TMEM40: variants seen among roughly 807,000 people sequenced by gnomAD.
The protein encoded by TMEM40 is transmembrane protein 40.
In TMEM40, 34 loss-of-function variants were observed where a neutral mutation model predicts 40.8. The ratio of observed to expected loss-of-function variants is 0.83; its 90% CI spans 0.63 to 1.11. TMEM40 has a LOEUF of 1.11. TMEM40 is among the 50% of genes least tolerant of loss of function. TMEM40 has a pLI of 0.00. For synonymous variants in TMEM40, 106 were observed against 107.0 expected (o/e 0.99, Z 0.06); for missense variants, 296 against 280.2 (o/e 1.06, Z -0.40).
At chr3:12,745,094 T>C (rs1002145679) in intron 3 of TMEM40, among the ~76,000 whole-genome samples, 1 of 152,194 alleles carries the variant, frequency 6.6e-6, no homozygotes, top group Admixed American at 6.5e-5. Flanking sequence ...AATTTTGCTC[T>C]TGTTGCCCAG....
chr3:12,764,734 C>G (rs1396905216), intron 1 of TMEM40, among the ~76,000 whole-genome samples: 3 of 152,204 alleles, frequency 2.0e-5, no homozygotes, highest in Admixed American at 6.5e-5. Context: ...ATCTCGTTAC[C>G]TGAGGGCTCT....
chr3:12,738,339 T>C (rs2061353785), intron 6 of TMEM40, among the ~76,000 whole-genome samples, 171 bp from the exon 7 acceptor site: 1 of 152,156 alleles, frequency 6.6e-6, no homozygotes, highest in African/African-American at 2.4e-5. Context: ...TCTCCTGGGG[T>C]CTTGCTGGGA....
intron 1 of TMEM40, among the ~76,000 whole-genome samples, chr3:12,751,402 C>T (rs919316974): frequency 6.6e-6 from 1 of 151,522 alleles, no homozygotes; most frequent in African/African-American, 2.4e-5. Context: ...CTGCCTCAGC[C>T]TCCGGAGTAG....
intron 1 of TMEM40, among the ~76,000 whole-genome samples, chr3:12,758,248 G>A (rs528806136): frequency 4.6e-5 from 7 of 152,144 alleles, no homozygotes; most frequent in African/African-American, 1.7e-4. Context: ...AAGTAACCTG[G>A]TGCTTTAGGG....
intron 7 of TMEM40, 101 bp from the exon 8 acceptor site, chr3:12,737,855 T>C: frequency 1.6e-6 from 2 of 1,266,998 alleles, no homozygotes; most frequent in Admixed American, 1.7e-5. Flanking sequence ...TGGGTATATC[T>C]TCCTGGGTCA....
chr3:12,736,554 G>T, intron 10 of TMEM40, 24 bp downstream of exon 10: 1 of 1,550,424 alleles, frequency 6.4e-7, no homozygotes, highest in Non-Finnish European at 8.7e-7. Flanking sequence ...CTGTGTGTGT[G>T]TCCATGCTGG....
intron 5 of TMEM40, 22 bp downstream of exon 5, chr3:12,742,432 A>T: frequency 6.2e-7 from 1 of 1,611,904 alleles, no homozygotes; most frequent in Non-Finnish European, 8.5e-7. Flanking sequence ...GTTTTCTCCA[A>T]AGCTACTGGG....
chr3:12,749,215 G>A lies in TMEM40; in HGVS notation c.74-423C>T, dbSNP rs930306564. On this transcript the variant is annotated intron_variant, in intron 2 of 11. Transcript: ENST00000314124. The stretch of plus-strand genomic sequence containing the variant: ...AATTTTTTGTATTTTTAGTAGAGAC[G>A]GGGTTTCACCGTGTTAGCCAGGATG... Among the ~76,000 whole-genome samples the A allele has an allele frequency of 9.9e-5, 15 of 151,882 alleles. No individual in the cohort carries two copies. The South Asian group carries it at 2.1e-3, about 21-fold the overall frequency.
rs1489237941 is a variant in TMEM40, at chr3:12,736,942, G to A, written c.473-107C>T. 28 of 1,381,438 alleles carry A rather than the reference G, an allele frequency of 2.0e-5. No individual in the cohort carries two copies. In the East Asian group the frequency reaches 2.3e-4, roughly 11 times the overall value. The allele number at this position is 1,381,438 out of a possible 1,614,324, so 85.6% of individuals were successfully genotyped here. On this transcript the variant is annotated intron_variant, in intron 8 of 11. Coordinates refer to ENST00000314124, the MANE Select transcript of TMEM40 (RefSeq NM_018306.4). The stretch of plus-strand genomic sequence containing the variant: ...CACCCAGGGTGGAGTGCAGTTGTGC[G>A]ATCCCAGCTCATTGCAGCCTTGAAG...
Position 12,748,717 on chromosome 3 carries a change from G to C in TMEM40, c.149C>G (p.Ser50Cys). 1 of 1,614,092 alleles carries C rather than the reference G, an allele frequency of 6.2e-7. No individual in the cohort carries two copies. Among genetic ancestry groups the C allele is most frequent in the Middle Eastern group, 1.7e-4 (1 of 6,058 alleles). Residue 50 changes from serine to cysteine, a missense_variant, in exon 3 of 12, where the codon TCT (serine) becomes TGT (cysteine). Transcript: ENST00000314124. ...FSQEQYERNKSSSSSSSSSSS... is the reference protein window; with the variant it reads ...FSQEQYERNKCSSSSSSSSSS... ...GGAGGAAGAGGAGGAGGAGGAAGAA[G>C]ACTTGTTTCTCTCATATTGTTCTTG... is the stretch of plus-strand genomic sequence containing the variant.
At chr3:12,762,035 A>T (rs1336846352), upstream of TMEM40, among the ~76,000 whole-genome samples, 1 of 152,152 alleles carries the variant, frequency 6.6e-6, no homozygotes, top group Non-Finnish European at 1.5e-5. Flanking sequence ...GTACAATCAT[A>T]GCTCATGGTA....
rs753348848 is a variant in TMEM40 at position 12,749,826 on chromosome 3, T to A, written c.7A>T (p.Thr3Ser). The A allele has an allele frequency of 1.6e-5, 26 of 1,613,782 alleles. No individual in the cohort carries two copies. In the South Asian group the frequency reaches 2.3e-4, roughly 14 times the overall value. Residue 3 changes from threonine to serine, a missense_variant, in exon 2 of 12, where the codon ACT (threonine) becomes TCT (serine). Coordinates refer to ENST00000314124, the MANE Select transcript of TMEM40 (RefSeq NM_018306.4). ...TGAGGCTGGGAGGAGGATGCTGAAG[T>A]CTCCATGGCTTTTCCTGGAGGAATA... ME[T>S]SASSSQPQDN...
At chr3:12,744,391 C>G (rs1338315301) in intron 3 of TMEM40, among the ~76,000 whole-genome samples, 7 of 152,132 alleles carry the variant, frequency 4.6e-5, no homozygotes, top group African/African-American at 1.7e-4. Context: ...CCTGGAATAT[C>G]CTTCCTGTTT....
At position 12,736,816 on chromosome 3, in the gene TMEM40, G is replaced by A. The variant is rs777641656; in HGVS notation, c.492C>T (p.Val164=). Residue 164 remains valine, a synonymous_variant, in exon 9 of 12, where the codon GTC becomes GTT. Coordinates refer to ENST00000314124, the MANE Select transcript of TMEM40 (RefSeq NM_018306.4). ...IKKDDEFFHF[V]LLCFAIGALL... ...AGGCCCCGATGGCAAAGCACAGGAG[G>A]ACGAAATGGAAAAACTCATCTGTGA... 3.5e-5 allele frequency: 57 copies of A among 1,614,034 alleles called. No homozygotes were observed. Among genetic ancestry groups the A allele is most frequent in the Non-Finnish European group, 4.5e-5 (53 of 1,180,038 alleles).
At chr3:12,737,162 G>C (rs1344844944) in intron 8 of TMEM40, among the ~76,000 whole-genome samples, 1 of 150,956 alleles carries the variant, frequency 6.6e-6, no homozygotes, top group African/African-American at 2.4e-5. Context: ...TTACAGCTGT[G>C]AGCCACCATG....
At position 12,738,604 on chromosome 3, in the gene TMEM40, A is replaced by G. The variant is rs776857586; in HGVS notation, c.356-16T>C. The G allele has an allele frequency of 3.1e-6, 5 of 1,612,422 alleles. No individual in the cohort carries two copies. In the Admixed American group the frequency reaches 6.7e-5, roughly 21 times the overall value. On this transcript the variant is annotated splice_polypyrimidine_tract_variant and intron_variant, in intron 5 of 11. Coordinates refer to ENST00000314124, the MANE Select transcript of TMEM40 (RefSeq NM_018306.4). ...CCAGGAGCATCTGCACAGAAAGGAAATCAGTGATCATATACCCATGATCCT... is the reference window on the plus strand; with the variant it reads ...CCAGGAGCATCTGCACAGAAAGGAAGTCAGTGATCATATACCCATGATCCT...
At chr3:12,737,908 G>A (rs1360333915) in intron 7 of TMEM40, 154 bp from the exon 8 acceptor site, 1 of 948,418 alleles carries the variant, frequency 1.1e-6, no homozygotes, top group Non-Finnish European at 1.7e-6. Context: ...GAAGATGGGG[G>A]TACTGTCCTT....
intron 2 of TMEM40, 79 bp downstream of exon 2, chr3:12,749,681 G>C: frequency 1.5e-6 from 2 of 1,320,154 alleles, no homozygotes; most frequent in South Asian, 2.5e-5. Flanking sequence ...AGTTGAGCAG[G>C]GTCTTCTTCT....
At chr3:12,745,754 C>G (rs2061422458) in intron 3 of TMEM40, among the ~76,000 whole-genome samples, 1 of 149,588 alleles carries the variant, frequency 6.7e-6, no homozygotes, top group South Asian at 2.1e-4. Context: ...CAGCCTAATA[C>G]AAGTTTTTAA....
Sources: allele counts gnomAD v4.1 joint callset (sites outside exome capture counted in the v4.1 genomes callset), GRCh38; gene constraint gnomAD v4.1.1; transcripts MANE v1.5; gene names NCBI Gene and HGNC (gene_info 2026-07-23, HGNC 2026-07-21).